The following PCSK1 variants were observed in gnomAD, a reference collection of about 807,000 sequenced individuals.
The protein encoded by PCSK1 is proprotein convertase subtilisin/kexin type 1.
PCSK1 carries 56 observed loss-of-function variants against 90.6 expected under a neutral mutation model. The observed-to-expected ratio is 0.62, with a 90% CI of 0.50 to 0.77. The LOEUF is 0.77. Ranked by LOEUF, PCSK1 falls within the 30% of genes least tolerant of loss-of-function variation. The pLI is 0.00. For missense variants in PCSK1, 801 were observed against 932.6 expected, an observed-to-expected ratio of 0.86 and a Z score of 1.84; for synonymous variants, 348 against 342.4, an observed-to-expected ratio of 1.02 and a Z score of -0.18.
intron 13 of PCSK1, among the ~76,000 whole-genome samples, chr5:96,393,950 A>G (rs1050731277): frequency 6.6e-5 from 10 of 152,334 alleles, no homozygotes; most frequent in African/African-American, 2.2e-4. Flanking sequence ...AAGTGTTTCA[A>G]TATTCCAACA....
intron 12 of PCSK1, among the ~76,000 whole-genome samples, chr5:96,395,866 C>T (rs1464679148): frequency 1.3e-5 from 2 of 152,036 alleles, no homozygotes; most frequent in Non-Finnish European, 2.9e-5. Flanking sequence ...AATTCAGTTA[C>T]AAAAAGTTGC....
chr5:96,417,073 G>A (rs911460891), intron 5 of PCSK1, among the ~76,000 whole-genome samples: 1 of 152,196 alleles, frequency 6.6e-6, no homozygotes, highest in Non-Finnish European at 1.5e-5. Flanking sequence ...CCAACATAGA[G>A]TGAAAGAGAG....
chr5:96,424,375 C>T (rs1285945901), intron 3 of PCSK1, among the ~76,000 whole-genome samples: 1 of 152,098 alleles, frequency 6.6e-6, no homozygotes, highest in African/African-American at 2.4e-5. Flanking sequence ...AAGAAGGCCT[C>T]TATGTCAGTT....
chr5:96,432,176 C>T lies in PCSK1; in HGVS notation c.180+687G>A, dbSNP rs1761524758. 1.2e-5 allele frequency: 19 copies of T among 1,520,352 alleles called. No homozygotes were observed. In the South Asian group the frequency reaches 2.3e-4, roughly 18 times the overall value. 94.2% of individuals were successfully genotyped at this position (1,520,352 alleles called of 1,614,324 possible). On this transcript the variant is annotated intron_variant, in intron 1 of 13. Coordinates refer to ENST00000311106, the MANE Select transcript of PCSK1 (RefSeq NM_000439.5). ...GGACTGGCCGGGCAAAGTTATGAAG[C>T]TTGGACTTTATAAGTTCCCAGTGAA...
At chr5:96,408,367 A>AGGAGT in intron 8 of PCSK1, 44 bp from the exon 9 acceptor site, 1 of 1,398,576 alleles carries the variant, frequency 7.2e-7, no homozygotes, top group Non-Finnish European at 1.0e-6. Context: ...AGAACACGTG[A>AGGAGT]GGAGTGTGGG....
chr5:96,426,024 C>G, intron 2 of PCSK1, 94 bp from the exon 3 acceptor site: 1 of 746,548 alleles, frequency 1.3e-6, no homozygotes, highest in Non-Finnish European at 2.4e-6. Context: ...CATCAGAGTT[C>G]AGGCAGCTCT....
intron 4 of PCSK1, among the ~76,000 whole-genome samples, chr5:96,422,919 C>A (rs1761172780): frequency 6.9e-6 from 1 of 144,988 alleles, no homozygotes; most frequent in Non-Finnish European, 1.5e-5. Context: ...TATAATTTTA[C>A]AATGTCAGGG....
At chr5:96,393,724 T>C (rs1437739895) in intron 13 of PCSK1, among the ~76,000 whole-genome samples, 1 of 152,228 alleles carries the variant, frequency 6.6e-6, no homozygotes, top group African/African-American at 2.4e-5. Context: ...GGAATCCATT[T>C]TGGGAAGCAG....
Position 96,432,890 on chromosome 5 carries a change from C to T in PCSK1, c.153G>A (p.Glu51=), listed in dbSNP as rs201858773. The T allele has an allele frequency of 6.8e-6, 11 of 1,614,040 alleles. No individual in the cohort carries two copies. The highest frequency in any genetic ancestry group is 8.5e-6 in the Non-Finnish European group (10 of 1,179,982). The change falls in exon 1 of 14, where the codon GAG becomes GAA. Residue 51 remains glutamate, a synonymous_variant. Coordinates refer to ENST00000311106, the MANE Select transcript of PCSK1 (RefSeq NM_000439.5). ...GACCCAAAAGGTCATAGCCCAGCTCCTCGGCGATGGCCGAGGCTGCTTCCG... is the reference window on the plus strand; with the variant it reads ...GACCCAAAAGGTCATAGCCCAGCTCTTCGGCGATGGCCGAGGCTGCTTCCG... The part of the protein sequence containing the change: ...GGPEAASAIA[E]ELGYDLLGQI...
chr5:96,425,043 AG>A (rs772130406), intron 3 of PCSK1, among the ~76,000 whole-genome samples: 7,693 of 140,842 alleles, frequency 0.055, 354 homozygotes, highest in East Asian at 0.15. Context: ...AAAGAAAGAA[AG>A]AAAGAAAGAA....
At chr5:96,413,868 C>T (rs1349365387) in intron 6 of PCSK1, among the ~76,000 whole-genome samples, 1 of 148,176 alleles carries the variant, frequency 6.7e-6, no homozygotes, top group Non-Finnish European at 1.5e-5. Flanking sequence ...GCCTGTAATC[C>T]CAGCACTTTG....
intron 6 of PCSK1, among the ~76,000 whole-genome samples, chr5:96,413,528 A>T (rs775699351): frequency 1.3e-5 from 2 of 152,188 alleles, no homozygotes; most frequent in Non-Finnish European, 2.9e-5. Context: ...AGCCAGGCGC[A>T]GTGGCTCATG....
chr5:96,433,109 C>T lies in PCSK1; in HGVS notation c.-67G>A. ...AAAAAGAAGCAAGATAGGAGAAAAG[C>T]CAGACAGACTCCCCCTTCCCACCCT... On this transcript the variant is annotated 5_prime_UTR_variant, in exon 1 of 14. Transcript: ENST00000311106. 2 of 1,442,278 alleles carry T rather than the reference C, an allele frequency of 1.4e-6. No individual in the cohort carries two copies. The highest frequency in any genetic ancestry group is 1.4e-5 in the African/African-American group (1 of 71,720). 89.3% of individuals were successfully genotyped at this position (1,442,278 alleles called of 1,614,324 possible).
chr5:96,416,091 G>T lies in PCSK1; in HGVS notation c.651C>A (p.Ala217=). Residue 217 remains alanine (A), a synonymous_variant, in exon 6 of 14, where the codon GCC becomes GCA. Coordinates refer to ENST00000311106, the MANE Select transcript of PCSK1 (RefSeq NM_000439.5). ...CGCATTTGTGATTATTTGCTTGCAT[G>T]GCAATTTCTCCTGCACATCTGGTCC... ...KHGTRCAGEI[A]MQANNHKCGV... The T allele has an allele frequency of 6.2e-7, 1 of 1,612,696 alleles. No individual in the cohort carries two copies. Among genetic ancestry groups the T allele is most frequent in the Non-Finnish European group, 8.5e-7 (1 of 1,178,758 alleles).
At position 96,432,945 on chromosome 5, in the gene PCSK1, T is replaced by C; in HGVS notation, c.98A>G (p.Asn33Ser). The change falls in exon 1 of 14, where the codon AAT (asparagine) becomes AGT (serine). Residue 33 changes from asparagine to serine, a missense_variant. Physicochemically the swap from Asn to Ser is conservative, Grantham distance 46. Transcript: ENST00000311106. The stretch of plus-strand genomic sequence containing the variant: ...CCCGGGGATCTCCGCTGCCCATTCA[T>C]TGACAAATTGCCTTTTCGCTTTTGC... ...NSAKAKRQFV[N>S]EWAAEIPGGP... 1.9e-6 allele frequency: 3 copies of C among 1,614,166 alleles called. No homozygotes were observed. Among genetic ancestry groups the C allele is most frequent in the Non-Finnish European group, 2.5e-6 (3 of 1,180,012 alleles).
chr5:96,429,350 C>T (rs151085748), intron 1 of PCSK1, 33 bp from the exon 2 acceptor site: 19 of 1,207,368 alleles, frequency 1.6e-5, no homozygotes, highest in East Asian at 4.7e-5. Context: ...TAAATATCCA[C>T]GTTCCCAAAC....
intron 9 of PCSK1, among the ~76,000 whole-genome samples, chr5:96,403,261 TTTC>T (rs1580749633): frequency 1.3e-5 from 2 of 152,194 alleles, no homozygotes; most frequent in African/African-American, 4.8e-5. Context: ...AAAACCTATT[TTTC>T]TTTTTTTATT....
At position 96,391,339 on chromosome 5, in the gene PCSK1, C is replaced by G. The variant is rs1250457065; in HGVS notation, c.*1662G>C. The G allele has an allele frequency of 6.6e-6, 1 of 152,142 alleles. No individual in the cohort carries two copies. Among genetic ancestry groups the G allele is most frequent in the Non-Finnish European group, 1.5e-5 (1 of 68,022 alleles). 9.4% of individuals were successfully genotyped at this position (152,142 alleles called of 1,614,324 possible). A position where few individuals can be genotyped will look rare whatever the true frequency, so the allele number is the denominator to read the frequency against. On this transcript the variant is annotated 3_prime_UTR_variant, in exon 14 of 14. Transcript: ENST00000311106. ...GAACCAGTTCAATGCCATGAATTAC[C>G]TTATGAAGTTCAAACTTCATGGAAA...
At position 96,410,848 on chromosome 5, in the gene PCSK1, G is replaced by T; in HGVS notation, c.1021C>A (p.Pro341Thr). The T allele has an allele frequency of 6.2e-7, 1 of 1,614,058 alleles. No homozygotes were observed. Among genetic ancestry groups the T allele is most frequent in the Non-Finnish European group, 8.5e-7 (1 of 1,179,964 alleles). Residue 341 changes from proline to threonine, a missense_variant, in exon 8 of 14, where the codon CCC becomes ACC. Coordinates refer to ENST00000311106, the MANE Select transcript of PCSK1 (RefSeq NM_000439.5). ...GAGGAGCACTTCTCAGCGTACCAGGGGGATAGGCCTTGCTGGGAGGCACTG... is the reference window on the plus strand; with the variant it reads ...GAGGAGCACTTCTCAGCGTACCAGGTGGATAGGCCTTGCTGGGAGGCACTG... ...ISSASQQGLS[P>T]WYAEKCSSTL...
Sources: allele counts gnomAD v4.1 joint callset (sites outside exome capture counted in the v4.1 genomes callset), GRCh38; gene constraint gnomAD v4.1.1; transcripts MANE v1.5; gene names NCBI Gene and HGNC (gene_info 2026-07-23, HGNC 2026-07-21).